ANO3: variants seen among roughly 807,000 people sequenced by gnomAD.
The protein encoded by ANO3 is anoctamin-3.
A neutral mutation model predicts 144.8 loss-of-function variants in ANO3; 99 were observed. The ratio of observed to expected loss-of-function variants is 0.68; its 90% confidence interval spans 0.58 to 0.81. ANO3 has a LOEUF of 0.81. Ranked by LOEUF, ANO3 falls within the 30% of genes least tolerant of loss-of-function variation. The probability of loss-of-function intolerance (pLI) is 0.00; values close to 1 mark genes in which losing one functional copy is unlikely to be tolerated. For synonymous variants in ANO3, 414 were observed against 392.6 expected (o/e 1.05, Z -0.64); for missense variants, 905 against 1,202.2 (o/e 0.75, Z 3.66).
chr11:26,428,964 A>G (rs1315993610), intron 1 of ANO3, among the ~76,000 whole-genome samples: 3 of 152,202 alleles, frequency 2.0e-5, no homozygotes, highest in Non-Finnish European at 4.4e-5. Flanking sequence ...CTTAGGAAGA[A>G]CATCCTCTCC....
intron 1 of ANO3, among the ~76,000 whole-genome samples, chr11:26,344,496 G>A (rs1374944408): frequency 1.3e-5 from 2 of 151,502 alleles, no homozygotes; most frequent in Non-Finnish European, 2.9e-5. Flanking sequence ...CTCCCGAGTA[G>A]CTGGGACTAC....
In ANO3 at chr11:26,325,759, G is replaced by C. The variant is rs1854867266; in HGVS notation, c.-3+16040G>C. On this transcript the variant is annotated intron_variant, in intron 1 of 26. Transcript: ENST00000525139. ...CTATTTTCACTATTTTCCTTTAGAG[G>C]GGAAAAAGGAATAACCCCTGGTCAA... Among the ~76,000 whole-genome samples the C allele has an allele frequency of 2.0e-5, 3 of 152,146 alleles. No homozygotes were observed. In the South Asian group the frequency reaches 6.2e-4, roughly 32 times the overall value.
intron 1 of ANO3, among the ~76,000 whole-genome samples, chr11:26,381,507 T>C (rs1465928048): frequency 6.6e-6 from 1 of 152,226 alleles, no homozygotes; most frequent in Non-Finnish European, 1.5e-5. Context: ...TCAAGTTTTA[T>C]TTATGCAAAA....
chr11:26,263,715 A>G (rs988117665), intron 1 of ANO3, among the ~76,000 whole-genome samples: 3 of 152,240 alleles, frequency 2.0e-5, no homozygotes, highest in Non-Finnish European at 4.4e-5. Flanking sequence ...AATTACAGTG[A>G]AAAGCCCATG....
rs1289504286 is a variant in ANO3, at chr11:26,453,223, A to C, written c.313+9387A>C. Among the ~76,000 whole-genome samples, 6 of 152,324 alleles carry C rather than the reference A, an allele frequency of 3.9e-5. No individual in the cohort carries two copies. The East Asian group carries it at 1.2e-3, about 29-fold the overall frequency. ...CATAATGACAGGATCAAATTCACAC[A>C]TAACAATATTAACTTTAAATGTAAA... On this transcript the variant is annotated intron_variant, in intron 3 of 26. Coordinates refer to ENST00000256737, the MANE Select transcript of ANO3 (RefSeq NM_031418.4).
intron 18 of ANO3, among the ~76,000 whole-genome samples, chr11:26,631,145 T>C (rs1852764970): frequency 6.6e-6 from 1 of 152,052 alleles, no homozygotes; most frequent in South Asian, 2.1e-4. Flanking sequence ...TGTTAATCTC[T>C]TCAGTACAGT....
chr11:26,623,854 T>C (rs943686337), intron 17 of ANO3, among the ~76,000 whole-genome samples: 2 of 152,174 alleles, frequency 1.3e-5, no homozygotes, highest in Non-Finnish European at 2.9e-5. Context: ...TGGCACGATC[T>C]CTGCTCACTG....
At chr11:26,230,341 C>T (rs1852364362) in intron 1 of ANO3, among the ~76,000 whole-genome samples, 1 of 152,036 alleles carries the variant, frequency 6.6e-6, no homozygotes, top group African/African-American at 2.4e-5. Context: ...GTCAGCACTT[C>T]CAAGAGTCCA....
At chr11:26,650,427 G>C (rs774935525) in intron 24 of ANO3, among the ~76,000 whole-genome samples, 1 of 150,736 alleles carries the variant, frequency 6.6e-6, no homozygotes, top group Non-Finnish European at 1.5e-5. Context: ...GTGGTCTGCA[G>C]ATCTCCTTCA....
intron 14 of ANO3, among the ~76,000 whole-genome samples, chr11:26,593,973 G>GT (rs1851532032): frequency 1.3e-5 from 2 of 152,094 alleles, no homozygotes; most frequent in African/African-American, 4.8e-5. Flanking sequence ...GACTTTTGAA[G>GT]TTTTTTTCTA....
intron 1 of ANO3, among the ~76,000 whole-genome samples, chr11:26,191,305 TACAC>T (rs202039304): frequency 6.7e-6 from 1 of 149,118 alleles, no homozygotes; most frequent in Non-Finnish European, 1.5e-5. Flanking sequence ...CATATATATA[TACAC>T]ACACACACAT....
In ANO3 at chr11:26,563,122, C is replaced by T. The variant is rs751832955; in HGVS notation, c.1447+3343C>T. On this transcript the variant is annotated intron_variant, in intron 14 of 26. Transcript: ENST00000256737. ...TATTGAAAATAGATTTTACCTGGTTCATTTCTGTCGTCATAAAGTCGCCGA... is the reference window on the plus strand; with the variant it reads ...TATTGAAAATAGATTTTACCTGGTTTATTTCTGTCGTCATAAAGTCGCCGA... 1.2e-5 allele frequency: 20 copies of T among 1,611,244 alleles called. No homozygotes were observed. The South Asian group carries it at 2.1e-4, about 17-fold the overall frequency.
At chr11:26,525,551 C>A in intron 6 of ANO3, 84 bp from the exon 7 acceptor site, 1 of 1,094,958 alleles carries the variant, frequency 9.1e-7, no homozygotes, top group Non-Finnish European at 1.4e-6. Flanking sequence ...TATAGAAATG[C>A]TCAATATGAT....
intron 1 of ANO3, among the ~76,000 whole-genome samples, chr11:26,240,540 C>A (rs1406505774): frequency 6.6e-6 from 1 of 152,090 alleles, no homozygotes; most frequent in African/African-American, 2.4e-5. Context: ...TCCTCATGTT[C>A]CCTGGTTTTG....
intron 1 of ANO3, among the ~76,000 whole-genome samples, chr11:26,232,691 C>T (rs1852427264): frequency 6.6e-6 from 1 of 152,034 alleles, no homozygotes; most frequent in South Asian, 2.1e-4. Flanking sequence ...AGAAGAAAAC[C>T]TAGGCAATAC....
chr11:26,613,124 C>G (rs896802478), intron 17 of ANO3, among the ~76,000 whole-genome samples: 2 of 152,094 alleles, frequency 1.3e-5, no homozygotes, highest in Admixed American at 6.5e-5. Flanking sequence ...TCTAATAATC[C>G]TATAATGGGA....
intron 3 of ANO3, among the ~76,000 whole-genome samples, chr11:26,454,915 C>T (rs934722496): frequency 4.8e-5 from 7 of 144,936 alleles, no homozygotes; most frequent in African/African-American, 1.7e-4. Context: ...AAGGCTGGTT[C>T]AATATACGTA....
intron 20 of ANO3, among the ~76,000 whole-genome samples, chr11:26,636,170 A>C (rs1852952951): frequency 6.6e-6 from 1 of 152,214 alleles, no homozygotes; most frequent in Non-Finnish European, 1.5e-5. Context: ...ACTGCACTCC[A>C]GCTTGGGTGA....
chr11:26,537,000 CTTTAAA>C, intron 9 of ANO3, among the ~76,000 whole-genome samples: 1 of 146,800 alleles, frequency 6.8e-6, no homozygotes. Context: ...TACCAATATC[CTTTAAA>C]TTTTTTTTTT....
Sources: gnomAD v4.1 joint callset for allele counts (sites outside exome capture counted in the v4.1 genomes callset) on GRCh38, gnomAD v4.1.1 for gene constraint, MANE v1.5 for transcripts, NCBI Gene and HGNC (gene_info 2026-07-23, HGNC 2026-07-21) for gene names.